BCAS3: variants seen among roughly 807,000 people sequenced by gnomAD.
BCAS3 encodes the protein BCAS3 microtubule associated cell migration factor, also known as BCAS4/BCAS3 fusion.
In BCAS3, 53 loss-of-function variants were observed where a neutral mutation model predicts 116.1. That is an observed-to-expected ratio of 0.46 (90% CI 0.37 to 0.57). The LOEUF (loss-of-function observed/expected upper bound fraction) is 0.57, where lower values mean the gene tolerates loss of function less well. BCAS3 is among the 20% of genes least tolerant of loss of function. The pLI, the probability that BCAS3 is intolerant of heterozygous loss-of-function variation, is 0.00. For missense variants in BCAS3, 917 were observed against 1,165.4 expected (o/e 0.79, Z 3.10); for synonymous variants, 391 against 408.2 (o/e 0.96, Z 0.51).
At chr17:61,345,162 C>T (rs2057431460) in intron 22 of BCAS3, among the ~76,000 whole-genome samples, 1 of 152,170 alleles carries the variant, frequency 6.6e-6, no homozygotes, top group African/African-American at 2.4e-5. Context: ...AGAATGTATT[C>T]AGAGGGAAAC....
rs943945863 is a variant in BCAS3, at chr17:61,029,885, A to G, written c.1638-4781A>G. 6.6e-6 allele frequency among the ~76,000 whole-genome samples: 1 copy of G among 151,926 alleles called. No homozygotes were observed. The highest frequency in any genetic ancestry group is 2.4e-5 in the African/African-American group (1 of 41,410). ...ATGATTTCATTTTTTGAAAGATACG[A>G]TTTATATGGAGAGGAGAATTTATTC... On this transcript the variant is annotated intron_variant, in intron 16 of 23. Transcript: ENST00000407086. The surrounding 1 kb of genome is among the most constrained non-coding windows in gnomAD (Gnocchi z 5.2).
rs1393181206 is a variant in BCAS3 at position 61,065,090 on chromosome 17, G to A, written c.2030-9830G>A. 3.3e-5 allele frequency among the ~76,000 whole-genome samples: 5 copies of A among 151,694 alleles called. No individual in the cohort carries two copies. The highest frequency in any genetic ancestry group is 5.9e-5 in the Non-Finnish European group (4 of 67,888). ...TCTGAAAGGGTTCTCCCTTTTTTTAGTCATTTAAAAAATCACACTTTAATT... is the reference window on the plus strand; with the variant it reads ...TCTGAAAGGGTTCTCCCTTTTTTTAATCATTTAAAAAATCACACTTTAATT... On this transcript the variant is annotated intron_variant, in intron 19 of 23. Coordinates refer to ENST00000407086, the MANE Select transcript of BCAS3 (RefSeq NM_017679.5). This position sits in a 1 kb window ranked among gnomAD's most constrained non-coding sequence, Gnocchi z 4.8.
intron 16 of BCAS3, chr17:61,027,466 T>C: frequency 2.4e-6 from 1 of 424,470 alleles, no homozygotes; most frequent in Non-Finnish European, 4.6e-6. Context: ...TTTTGAATTA[T>C]TAGCACATAC....
chr17:61,275,428 G>A (rs1189955129), intron 22 of BCAS3, among the ~76,000 whole-genome samples: 1 of 152,090 alleles, frequency 6.6e-6, no homozygotes, highest in African/African-American at 2.4e-5. Flanking sequence ...GTCTCTTGGT[G>A]GGCCTGAATG....
At chr17:61,283,120 G>A (rs571529968) in intron 22 of BCAS3, among the ~76,000 whole-genome samples, 3 of 151,986 alleles carry the variant, frequency 2.0e-5, no homozygotes, top group Admixed American at 6.6e-5. Context: ...TATTGAAAAC[G>A]ATTGGGCAGC....
intron 6 of BCAS3, among the ~76,000 whole-genome samples, chr17:60,806,945 G>A (rs940382898): frequency 3.0e-4 from 45 of 152,010 alleles, no homozygotes; most frequent in Admixed American, 8.5e-4. Context: ...CTATTATTAT[G>A]TGGACTTAGG....
chr17:61,135,976 CGCT>C (rs937556096), intron 22 of BCAS3: 73 of 159,872 alleles, frequency 4.6e-4, no homozygotes, highest in Middle Eastern at 9.5e-4. Flanking sequence ...CCTCTCCTGC[CGCT>C]GCTGCTGCTG....
In BCAS3 at chr17:61,156,678, T is replaced by C. The variant is rs1415574652; in HGVS notation, c.2425+72114T>C. 6.6e-6 allele frequency among the ~76,000 whole-genome samples: 1 copy of C among 152,200 alleles called. No individual in the cohort carries two copies. Among genetic ancestry groups the C allele is most frequent in the Admixed American group, 6.5e-5 (1 of 15,278 alleles). On this transcript the variant is annotated intron_variant, in intron 22 of 23. Transcript: ENST00000407086. The surrounding 1 kb of genome is among the most constrained non-coding windows in gnomAD (Gnocchi z 4.7). ...GTCTTTTTGTAGTTGATGAGTAACC[T>C]GTGGATGTGAATCCTTGGAATCCTA...
chr17:60,745,985 AAGATTTATACACT>A (rs1200396862), intron 5 of BCAS3, among the ~76,000 whole-genome samples: 2 of 152,150 alleles, frequency 1.3e-5, no homozygotes, highest in African/African-American at 4.8e-5. Context: ...GTAATATTGT[AAGATTTATACACT>A]TCTAATTTTA....
Position 61,270,112 on chromosome 17 carries a change from A to ATTT in BCAS3, c.2426-98192_2426-98190dup, listed in dbSNP as rs1202865412. Among the ~76,000 whole-genome samples the ATTT allele has an allele frequency of 3.1e-3, 212 of 68,806 alleles. 2 individuals carry two copies. The highest frequency in any genetic ancestry group is 4.2e-3 in the Non-Finnish European group (153 of 36,416). 45.1% of individuals were successfully genotyped at this position (68,806 alleles called of 152,430 possible). A position where few individuals can be genotyped will look rare whatever the true frequency, so the allele number is the denominator to read the frequency against. ...GAGCCACCAGGCATGGCCTTCTGCCATTTTTTTTTTTTTTTTTTTTTTTTT... is the reference window on the plus strand; with the variant it reads ...GAGCCACCAGGCATGGCCTTCTGCCATTTTTTTTTTTTTTTTTTTTTTTTTTTT... On this transcript the variant is annotated intron_variant, in intron 22 of 23. Transcript: ENST00000407086.
chr17:60,876,134 G>C (rs1395845581), intron 9 of BCAS3, among the ~76,000 whole-genome samples: 2 of 151,992 alleles, frequency 1.3e-5, no homozygotes, highest in African/African-American at 4.8e-5. Flanking sequence ...AACTTGTAAA[G>C]TCCTGAGCGA....
chr17:61,263,683 T>G (rs188071959), intron 22 of BCAS3, among the ~76,000 whole-genome samples: 1 of 152,264 alleles, frequency 6.6e-6, no homozygotes, highest in African/African-American at 2.4e-5. Context: ...AGACCTATTA[T>G]GACTTTTATT....
chr17:61,075,435 T>C (rs1183890716), intron 20 of BCAS3, among the ~76,000 whole-genome samples: 2 of 152,192 alleles, frequency 1.3e-5, no homozygotes, highest in South Asian at 2.1e-4. Context: ...ATGCCTCAGC[T>C]TCTTGAGTAG....
chr17:61,129,951 A>C (rs1439921708), intron 22 of BCAS3, among the ~76,000 whole-genome samples: 1 of 152,228 alleles, frequency 6.6e-6, no homozygotes, highest in Non-Finnish European at 1.5e-5. Flanking sequence ...GTACTTAACA[A>C]AGACTGCCAA....
chr17:61,120,137 T>C (rs1174438612), intron 22 of BCAS3, among the ~76,000 whole-genome samples: 1 of 152,118 alleles, frequency 6.6e-6, no homozygotes, highest in African/African-American at 2.4e-5. Context: ...AATTATTCTT[T>C]AGTGTATCTG....
At chr17:60,705,527 A>G (rs1026397587) in intron 4 of BCAS3, among the ~76,000 whole-genome samples, 11 of 151,250 alleles carry the variant, frequency 7.3e-5, no homozygotes, top group East Asian at 3.9e-4. Context: ...AAAAAAAAAA[A>G]AAAGAAAAGA....
intron 23 of BCAS3, among the ~76,000 whole-genome samples, chr17:61,382,629 C>A (rs1428950323): frequency 6.6e-6 from 1 of 150,534 alleles, no homozygotes; most frequent in Non-Finnish European, 1.5e-5. Flanking sequence ...GCACTCCAGC[C>A]TGGGTGAAAG....
At chr17:60,771,205 C>T (rs1350585450) in intron 6 of BCAS3, among the ~76,000 whole-genome samples, 1 of 152,128 alleles carries the variant, frequency 6.6e-6, no homozygotes, top group African/African-American at 2.4e-5. Flanking sequence ...GCTTTTACCA[C>T]ATCACATGAT....
chr17:60,873,904 A>G (rs2055351763), intron 8 of BCAS3, among the ~76,000 whole-genome samples: 1 of 151,856 alleles, frequency 6.6e-6, no homozygotes, highest in Non-Finnish European at 1.5e-5. Flanking sequence ...GGATCTCACT[A>G]TGTTGCCTAG....
Sources: allele counts gnomAD v4.1 joint callset (sites outside exome capture counted in the v4.1 genomes callset), GRCh38; gene constraint gnomAD v4.1.1; non-coding constraint Gnocchi (gnomAD v3.1); transcripts MANE v1.5; gene names NCBI Gene and HGNC (gene_info 2026-07-23, HGNC 2026-07-21).